Variants in COG5 observed in about 807,000 individuals in gnomAD.
COG5 encodes the protein component of oligomeric golgi complex 5.
COG5 carries 86 observed loss-of-function variants against 110.4 expected under a neutral mutation model. The observed-to-expected ratio is 0.78, with a 90% CI of 0.65 to 0.93. COG5 has a LOEUF of 0.93. COG5 is among the 40% of genes least tolerant of loss of function. The pLI, the probability that COG5 is intolerant of heterozygous loss-of-function variation, is 0.00. For missense variants in COG5, 1,077 were observed against 987.0 expected (o/e 1.09, Z -1.22); for synonymous variants, 360 against 334.6 (o/e 1.08, Z -0.83).
intron 7 of COG5, among the ~76,000 whole-genome samples, chr7:107,388,258 T>A (rs1259017562): frequency 6.6e-6 from 1 of 152,226 alleles, no homozygotes; most frequent in Admixed American, 6.5e-5. Flanking sequence ...TTGGAAAACT[T>A]AGATATGTAC....
intron 10 of COG5, among the ~76,000 whole-genome samples, chr7:107,329,497 T>C (rs1810060372): frequency 6.6e-6 from 1 of 152,110 alleles, no homozygotes. Flanking sequence ...TACACATATA[T>C]AATAGTATAT....
At chr7:107,233,030 T>C (rs1800891268) in intron 18 of COG5, among the ~76,000 whole-genome samples, 1 of 152,212 alleles carries the variant, frequency 6.6e-6, no homozygotes, top group African/African-American at 2.4e-5. Flanking sequence ...GAATTTTGAT[T>C]GTCTTGTTTT....
intron 6 of COG5, among the ~76,000 whole-genome samples, chr7:107,501,061 T>C (rs528634795): frequency 6.6e-6 from 1 of 152,172 alleles, no homozygotes; most frequent in East Asian, 1.9e-4. Flanking sequence ...CAATGAAAAG[T>C]AGAACAACCC....
At chr7:107,322,530 T>C (rs991255544) in intron 11 of COG5, among the ~76,000 whole-genome samples, 4 of 152,112 alleles carry the variant, frequency 2.6e-5, no homozygotes, top group African/African-American at 9.7e-5. Context: ...TAAAAAAAAC[T>C]AGTACACACC....
intron 6 of COG5, among the ~76,000 whole-genome samples, chr7:107,499,474 T>C (rs1205076953): frequency 1.3e-5 from 2 of 151,876 alleles, no homozygotes; most frequent in Non-Finnish European, 2.9e-5. Flanking sequence ...GGCACAATCT[T>C]GGCTCACTAC....
chr7:107,294,719 T>C (rs904429699), intron 12 of COG5, among the ~76,000 whole-genome samples: 5 of 136,736 alleles, frequency 3.7e-5, no homozygotes, highest in East Asian at 2.0e-4. Context: ...CTTTCTTTTT[T>C]TTTTTTTTTT....
intron 5 of COG5, among the ~76,000 whole-genome samples, chr7:107,541,219 G>A (rs1428962530): frequency 6.0e-5 from 9 of 151,092 alleles, no homozygotes; most frequent in South Asian, 2.1e-4. Flanking sequence ...AATGTCAGCC[G>A]GACACAGTGG....
intron 21 of COG5, 21 bp downstream of exon 21, chr7:107,210,505 C>T (rs1007734364): frequency 6.3e-7 from 1 of 1,580,762 alleles, no homozygotes; most frequent in African/African-American, 1.3e-5. Context: ...AGATGGGTGC[C>T]CCCAGAGCAC....
intron 11 of COG5, among the ~76,000 whole-genome samples, chr7:107,306,866 G>A (rs1807763204): frequency 6.6e-6 from 1 of 152,036 alleles, no homozygotes; most frequent in African/African-American, 2.4e-5. Flanking sequence ...ACTTTGACAG[G>A]AACACACGTC....
intron 6 of COG5, among the ~76,000 whole-genome samples, chr7:107,489,860 C>T (rs182036308): frequency 2.0e-5 from 3 of 152,076 alleles, no homozygotes; most frequent in Admixed American, 1.3e-4. Context: ...GATCCGGGAA[C>T]GCTATGTAAT....
At chr7:107,526,396 T>C (rs918226757) in intron 6 of COG5, among the ~76,000 whole-genome samples, 2 of 152,240 alleles carry the variant, frequency 1.3e-5, no homozygotes, top group African/African-American at 4.8e-5. Flanking sequence ...CATCATGGAC[T>C]TTGCAGCTGG....
At chr7:107,229,260 C>G (rs1207260491) in intron 19 of COG5, among the ~76,000 whole-genome samples, 2 of 152,100 alleles carry the variant, frequency 1.3e-5, no homozygotes, top group Non-Finnish European at 2.9e-5. Flanking sequence ...ACCATCCTGG[C>G]CAACATGGTG....
At chr7:107,523,495 T>C (rs1043939498) in intron 6 of COG5, among the ~76,000 whole-genome samples, 2 of 151,964 alleles carry the variant, frequency 1.3e-5, no homozygotes, top group Admixed American at 6.6e-5. Context: ...TAGGGGGAAG[T>C]AGAACTTTCA....
intron 3 of COG5, among the ~76,000 whole-genome samples, chr7:107,551,098 A>G (rs1802856002): frequency 6.6e-6 from 1 of 152,126 alleles, no homozygotes; most frequent in South Asian, 2.1e-4. Flanking sequence ...GCTGGAGTGT[A>G]GTGGCATGAT....
intron 8 of COG5, among the ~76,000 whole-genome samples, chr7:107,371,063 A>G (rs76025010): frequency 2.6e-5 from 4 of 152,240 alleles, no homozygotes; most frequent in Non-Finnish European, 4.4e-5. Flanking sequence ...TTTAAACATT[A>G]TATCAAACTT....
intron 10 of COG5, among the ~76,000 whole-genome samples, chr7:107,357,426 A>G (rs1402005921): frequency 6.6e-6 from 1 of 152,188 alleles, no homozygotes; most frequent in African/African-American, 2.4e-5. Flanking sequence ...CCCTTAAAAA[A>G]ATTTCAACTA....
chr7:107,417,668 A>C (rs1183046556), intron 6 of COG5, among the ~76,000 whole-genome samples: 2 of 152,282 alleles, frequency 1.3e-5, no homozygotes, highest in East Asian at 3.9e-4. Context: ...TTTTTCCAAT[A>C]ATCTATGGGA....
chr7:107,393,967 TA>T (rs1438162472), intron 7 of COG5, among the ~76,000 whole-genome samples: 4 of 144,704 alleles, frequency 2.8e-5, no homozygotes, highest in Non-Finnish European at 4.6e-5. Flanking sequence ...TATTTATTAT[TA>T]TTTTTTTTTT....
At chr7:107,562,073 T>A (rs372117569) in intron 1 of COG5, among the ~76,000 whole-genome samples, 1 of 152,118 alleles carries the variant, frequency 6.6e-6, no homozygotes, top group Admixed American at 6.5e-5. Context: ...TGGTTATACG[T>A]TGAGGTTAAA....
Sources: gnomAD v4.1 joint callset for allele counts (sites outside exome capture counted in the v4.1 genomes callset) on GRCh38, gnomAD v4.1.1 for gene constraint, MANE v1.5 for transcripts, NCBI Gene and HGNC (gene_info 2026-07-23, HGNC 2026-07-21) for gene names.